MRPL14: variants seen among roughly 807,000 people sequenced by gnomAD.
The protein encoded by MRPL14 is mitochondrial ribosomal protein L14.
Under a neutral mutation model 10.9 loss-of-function variants are expected in MRPL14, and 8 were observed. The observed-to-expected ratio is 0.74, with a 90% CI of 0.43 to 1.33. The LOEUF is 1.33. MRPL14 is among the 40% of genes most tolerant of loss of function. MRPL14 has a pLI of 0.01. For synonymous variants in MRPL14, 82 were observed against 74.1 expected (o/e 1.11, Z -0.54); for missense variants, 179 against 194.5 (o/e 0.92, Z 0.47).
chr6:44,114,280 T>A, intron 2 of MRPL14, 71 bp from the exon 3 acceptor site: 1 of 1,517,592 alleles, frequency 6.6e-7, no homozygotes, highest in South Asian at 1.3e-5. Flanking sequence ...CTCTGAGAGG[T>A]CAAGGCTAGG....
chr6:44,113,966 C>T lies in MRPL14; in HGVS notation c.315G>A (p.Val105=). Residue 105 remains valine, a synonymous_variant, in exon 3 of 3, where the codon GTG becomes GTA. Coordinates refer to ENST00000372014, the MANE Select transcript of MRPL14 (RefSeq NM_032111.4). The stretch of plus-strand genomic sequence containing the variant: ...GGTTCCCGTTGTCCTCAATGAGGAC[C>T]ACGTTGTTGGAGTCGAATCTGGGGG... ...RMTPRFDSNN[V]VLIEDNGNPV... is the part of the protein sequence containing the mutation. 2 of 1,613,998 alleles carry T rather than the reference C, an allele frequency of 1.2e-6. No individual in the cohort carries two copies. The highest frequency in any genetic ancestry group is 1.7e-6 in the Non-Finnish European group (2 of 1,179,910).
intron 1 of MRPL14, among the ~76,000 whole-genome samples, chr6:44,119,527 CA>C (rs879741171): frequency 7.6e-4 from 104 of 137,118 alleles, no homozygotes; most frequent in Admixed American, 8.1e-4. Flanking sequence ...GACTCCATCT[CA>C]AAAAAAAAAA....
Position 44,114,192 on chromosome 6 carries a change from C to T in MRPL14, c.89G>A (p.Ser30Asn). The change falls in exon 3 of 3, where the codon AGT becomes AAT. Residue 30 changes from serine (S) to asparagine (N), a missense_variant. Transcript: ENST00000372014. ...HHCFSTTGSL[S>N]AIQKMTRVRV... is the part of the protein sequence containing the mutation. Reference sequence around the variant, plus strand: ...TACCCGCGTCATCTTCTGAATCGCACTCAGACTCCCAGTGGTGCTGGTGGG... The same window carrying T: ...TACCCGCGTCATCTTCTGAATCGCATTCAGACTCCCAGTGGTGCTGGTGGG... 6.2e-7 allele frequency: 1 copy of T among 1,610,072 alleles called. No individual in the cohort carries two copies. The highest frequency in any genetic ancestry group is 8.5e-7 in the Non-Finnish European group (1 of 1,176,808).
In MRPL14 at chr6:44,127,369, G is replaced by C. The variant is rs1303530534; in HGVS notation, c.-44C>G. ...CGCTCTCGCCGCCCGGGAAAATCCCGCCGCGGGCCCCACCAGCCAAGCGCC... is the reference window on the plus strand; with the variant it reads ...CGCTCTCGCCGCCCGGGAAAATCCCCCCGCGGGCCCCACCAGCCAAGCGCC... On this transcript the variant is annotated 5_prime_UTR_variant, in exon 1 of 3. Transcript: ENST00000372014. 1.3e-5 allele frequency: 2 copies of C among 150,908 alleles called. No individual in the cohort carries two copies. Among genetic ancestry groups the C allele is most frequent in the African/African-American group, 4.9e-5 (2 of 40,764 alleles). 9.3% of individuals were successfully genotyped at this position (150,908 alleles called of 1,614,324 possible).
chr6:44,125,616 C>T (rs1776902837), intron 1 of MRPL14, among the ~76,000 whole-genome samples: 1 of 136,090 alleles, frequency 7.3e-6, no homozygotes, highest in Non-Finnish European at 1.5e-5. Context: ...CGCACTGCTG[C>T]ACCCAGATCT....
At chr6:44,117,224 A>AAAC (rs36113204) in intron 1 of MRPL14, among the ~76,000 whole-genome samples, 93,186 of 151,722 alleles carry the variant, frequency 0.61, 30,057 homozygotes, top group East Asian at 0.82. Flanking sequence ...TCAGTCTCCC[A>AAAC]AACACTGTAA....
At chr6:44,121,408 C>T (rs1290908526) in intron 1 of MRPL14, among the ~76,000 whole-genome samples, 2 of 152,094 alleles carry the variant, frequency 1.3e-5, no homozygotes, top group South Asian at 2.1e-4. Context: ...CAAATTCATA[C>T]AATCTAAGCC....
At position 44,120,183 on chromosome 6, in the gene MRPL14, C is replaced by T. The variant is rs117528798; in HGVS notation, c.-18-3554G>A. On this transcript the variant is annotated intron_variant, in intron 1 of 2. Transcript: ENST00000372014. ...CTCCTCCACAAAGTCTTGTGTCAAA[C>T]GGCAGCATCAATTGCTACCCCTCCT... Among the ~76,000 whole-genome samples the T allele has an allele frequency of 1.4e-4, 22 of 152,302 alleles. 1 individual carries two copies. In the East Asian group the frequency reaches 3.9e-3, roughly 27 times the overall value.
At chr6:44,120,146 C>T (rs1776257709) in intron 1 of MRPL14, among the ~76,000 whole-genome samples, 1 of 152,196 alleles carries the variant, frequency 6.6e-6, no homozygotes, top group South Asian at 2.1e-4. Context: ...TGTGACCCAG[C>T]TCCACAAGCA....
intron 1 of MRPL14, among the ~76,000 whole-genome samples, chr6:44,120,698 A>G (rs1050533900): frequency 7.9e-5 from 12 of 152,224 alleles, no homozygotes; most frequent in Admixed American, 4.6e-4. Flanking sequence ...CACCCTAGCA[A>G]AAGACCCCAG....
intron 1 of MRPL14, among the ~76,000 whole-genome samples, chr6:44,121,518 C>G (rs1201265451): frequency 6.6e-6 from 1 of 152,244 alleles, no homozygotes; most frequent in East Asian, 1.9e-4. Flanking sequence ...CATCGCCCTA[C>G]AGATCCCATT....
intron 1 of MRPL14, among the ~76,000 whole-genome samples, chr6:44,123,998 C>T (rs551869855): frequency 1.3e-5 from 2 of 152,192 alleles, no homozygotes; most frequent in Non-Finnish European, 2.9e-5. Context: ...CCCTACCTCA[C>T]AAGTGTACAA....
intron 1 of MRPL14, among the ~76,000 whole-genome samples, chr6:44,117,810 A>T (rs1039855313): frequency 6.8e-6 from 1 of 147,552 alleles, no homozygotes; most frequent in Non-Finnish European, 1.5e-5. Flanking sequence ...GACCACAGAC[A>T]TGCACCAGGA....
In MRPL14 at chr6:44,115,435, G is replaced by A. The variant is rs971945447; in HGVS notation, c.71+1106C>T. On this transcript the variant is annotated intron_variant, in intron 2 of 2. Transcript: ENST00000372014. ...GATGGCTTCTCCAGCAGTACCAGAA[G>A]CCAAGCCATAAACCTCTCTCCACCA... 2.0e-5 allele frequency among the ~76,000 whole-genome samples: 3 copies of A among 152,094 alleles called. No homozygotes were observed. In the East Asian group the frequency reaches 5.8e-4, roughly 29 times the overall value.
chr6:44,122,313 G>A (rs1004810793), intron 1 of MRPL14, among the ~76,000 whole-genome samples: 1 of 152,040 alleles, frequency 6.6e-6, no homozygotes, highest in Non-Finnish European at 1.5e-5. Context: ...TCGATCTCCT[G>A]ACCTCGTGAT....
At chr6:44,119,740 CAG>C (rs1474054841) in intron 1 of MRPL14, among the ~76,000 whole-genome samples, 1 of 152,174 alleles carries the variant, frequency 6.6e-6, no homozygotes, top group African/African-American at 2.4e-5. Context: ...TTCTGAAAAG[CAG>C]AGTCCTTCTG....
chr6:44,122,894 T>G (rs1168542451), intron 1 of MRPL14, among the ~76,000 whole-genome samples: 1 of 152,182 alleles, frequency 6.6e-6, no homozygotes, highest in Non-Finnish European at 1.5e-5. Context: ...ACACAACCCC[T>G]CCCACCTCAG....
intron 1 of MRPL14, among the ~76,000 whole-genome samples, chr6:44,117,117 C>A (rs1775926033): frequency 6.6e-6 from 1 of 152,188 alleles, no homozygotes; most frequent in Non-Finnish European, 1.5e-5. Context: ...CACCTTTCCC[C>A]CAAATGTAAA....
chr6:44,119,250 C>T (rs144307117), intron 1 of MRPL14, among the ~76,000 whole-genome samples: 3 of 152,078 alleles, frequency 2.0e-5, no homozygotes, highest in Non-Finnish European at 2.9e-5. Flanking sequence ...CAGCTGGGCG[C>T]GGTGGCTCAT....
Sources: gnomAD v4.1 joint callset for allele counts (sites outside exome capture counted in the v4.1 genomes callset) on GRCh38, gnomAD v4.1.1 for gene constraint, MANE v1.5 for transcripts, NCBI Gene and HGNC (gene_info 2026-07-23, HGNC 2026-07-21) for gene names.